SLC9A2: variants seen among roughly 807,000 people sequenced by gnomAD.
SLC9A2 encodes sodium/hydrogen exchanger 2.
SLC9A2 carries 42 observed loss-of-function variants against 71.7 expected under a neutral mutation model. That is an observed-to-expected ratio of 0.59 (90% CI 0.46 to 0.76). SLC9A2 has a LOEUF of 0.76. Among genes scored for constraint, SLC9A2 ranks in the 30% least tolerant of loss-of-function variants. The probability of loss-of-function intolerance (pLI) is 0.00; values close to 1 mark genes in which losing one functional copy is unlikely to be tolerated. For missense variants in SLC9A2, 829 were observed against 1,017.4 expected (o/e 0.81, Z 2.52); for synonymous variants, 396 against 392.5 (o/e 1.01, Z -0.10).
rs10682813 is a variant in SLC9A2 at position 102,642,042 on chromosome 2, T to TATAATAATAATA, written c.290-15508_290-15497dup. Among the ~76,000 whole-genome samples, 7 of 149,758 alleles carry TATAATAATAATA rather than the reference T, an allele frequency of 4.7e-5. 1 individual carries two copies. Among genetic ancestry groups the TATAATAATAATA allele is most frequent in the Middle Eastern group, 3.5e-3 (1 of 286 alleles). Reference sequence around the variant, plus strand: ...TGCACAAGTACCCTAGAACTTAAAATATAATAATAATAATAATAATAATAA... The same window carrying TATAATAATAATA: ...TGCACAAGTACCCTAGAACTTAAAATATAATAATAATAATAATAATAATAATAATAATAATAA... On this transcript the variant is annotated intron_variant, in intron 1 of 11. Transcript: ENST00000233969.
chr2:102,649,780 C>T (rs1676796882), intron 1 of SLC9A2, among the ~76,000 whole-genome samples: 1 of 151,982 alleles, frequency 6.6e-6, no homozygotes, highest in South Asian at 2.1e-4. Flanking sequence ...CCATCTCACA[C>T]CAGTTAGAAT....
At chr2:102,622,299 C>T (rs375847743) in intron 1 of SLC9A2, among the ~76,000 whole-genome samples, 22 of 152,222 alleles carry the variant, frequency 1.4e-4, no homozygotes, top group East Asian at 1.4e-3. Context: ...CACAAAGTGG[C>T]GAGCCAAAAT....
intron 11 of SLC9A2, 100 bp from the exon 12 acceptor site, chr2:102,708,019 C>T (rs1339512752): frequency 2.3e-6 from 3 of 1,297,930 alleles, no homozygotes; most frequent in African/African-American, 2.9e-5. Flanking sequence ...TCCCCAGAGC[C>T]CCAGGACGTA....
chr2:102,627,427 G>A (rs751817250), intron 1 of SLC9A2, among the ~76,000 whole-genome samples: 7 of 152,130 alleles, frequency 4.6e-5, no homozygotes, highest in South Asian at 4.1e-4. Context: ...CAGTGAGTCC[G>A]TGGCTTTAAT....
intron 2 of SLC9A2, among the ~76,000 whole-genome samples, chr2:102,663,668 A>T (rs1251115262): frequency 6.6e-6 from 1 of 152,200 alleles, no homozygotes; most frequent in Non-Finnish European, 1.5e-5. Context: ...AACAAATGGG[A>T]TCAGTTTTGA....
intron 1 of SLC9A2, among the ~76,000 whole-genome samples, chr2:102,644,376 C>A (rs1474636195): frequency 6.6e-6 from 1 of 152,252 alleles, no homozygotes; most frequent in Non-Finnish European, 1.5e-5. Flanking sequence ...GTTTCAAGCA[C>A]AAAACTAGGT....
intron 9 of SLC9A2, among the ~76,000 whole-genome samples, 164 bp from the exon 10 acceptor site, chr2:102,704,380 T>C (rs1189189412): frequency 1.3e-5 from 2 of 152,152 alleles, no homozygotes; most frequent in African/African-American, 4.8e-5. Context: ...CTGAAGACTG[T>C]TAACTTTTAT....
chr2:102,688,078 G>A (rs1016731656), intron 5 of SLC9A2, among the ~76,000 whole-genome samples: 9 of 152,052 alleles, frequency 5.9e-5, no homozygotes, highest in East Asian at 1.9e-4. Context: ...CACCATGCCC[G>A]GCCGTGGAAT....
At chr2:102,674,556 A>G (rs944088399) in intron 3 of SLC9A2, among the ~76,000 whole-genome samples, 10 of 152,186 alleles carry the variant, frequency 6.6e-5, no homozygotes, top group African/African-American at 2.4e-4. Flanking sequence ...AGTGGCCCTG[A>G]TTCTGTCTTT....
chr2:102,671,391 G>A (rs1200817316), intron 3 of SLC9A2, among the ~76,000 whole-genome samples: 1 of 152,144 alleles, frequency 6.6e-6, no homozygotes, highest in Non-Finnish European at 1.5e-5. Flanking sequence ...GTAAAATGAT[G>A]CGAGAAATTA....
chr2:102,629,779 T>C (rs1195852130), intron 1 of SLC9A2, among the ~76,000 whole-genome samples: 1 of 152,154 alleles, frequency 6.6e-6, no homozygotes, highest in East Asian at 1.9e-4. Flanking sequence ...CAGACTACCA[T>C]GGCTGCTCAC....
chr2:102,647,839 G>C (rs1193355142), intron 1 of SLC9A2, among the ~76,000 whole-genome samples: 1 of 145,264 alleles, frequency 6.9e-6, no homozygotes, highest in Admixed American at 6.9e-5. Flanking sequence ...CTGAAATTGA[G>C]GCAGTAATTA....
intron 10 of SLC9A2, among the ~76,000 whole-genome samples, chr2:102,705,478 AC>A (rs1677957500): frequency 1.3e-5 from 2 of 151,960 alleles, no homozygotes; most frequent in Admixed American, 1.3e-4. Flanking sequence ...GAAAAAAAAA[AC>A]ACCTTACATA....
intron 3 of SLC9A2, among the ~76,000 whole-genome samples, chr2:102,671,885 A>T (rs1486234513): frequency 6.6e-6 from 1 of 152,106 alleles, no homozygotes; most frequent in Non-Finnish European, 1.5e-5. Flanking sequence ...GCAGGTGGAT[A>T]ACTTGAGGTC....
At position 102,708,471 on chromosome 2, in the gene SLC9A2, TG is replaced by T; in HGVS notation, c.2424del (p.Ser809ValfsTer25). The T allele has an allele frequency of 6.2e-7, 1 of 1,614,050 alleles. No homozygotes were observed. Among genetic ancestry groups the T allele is most frequent in the Non-Finnish European group, 8.5e-7 (1 of 1,179,972 alleles). Reference protein sequence around the residue: ...SEPGSRKARFGSEKP With the variant: ...SEPGSRKARFXSEKP ...AACCTGGAAGCCGGAAAGCCCGATT[TG>T]GGAGTGAGAAGCCTTAAGAGAAGCA... On this transcript the variant is annotated frameshift_variant, in exon 12 of 12. Transcript: ENST00000233969. LOFTEE classifies it high-confidence loss of function.
rs59553931 is a variant in SLC9A2, at chr2:102,631,995, GATATATATATAT to G, written c.289+11890_289+11901del. On this transcript the variant is annotated intron_variant, in intron 1 of 11. Coordinates refer to ENST00000233969, the MANE Select transcript of SLC9A2 (RefSeq NM_003048.6). Reference sequence around the variant, plus strand: ...CTTCCATTTAATTAATGAAAGTGGGGATATATATATATATATATATATATATATATATATATA... The same window carrying G: ...CTTCCATTTAATTAATGAAAGTGGGGATATATATATATATATATATATATA... Among the ~76,000 whole-genome samples, 94 of 43,250 alleles carry G rather than the reference GATATATATATAT, an allele frequency of 2.2e-3. 4 individuals carry two copies. Among genetic ancestry groups the G allele is most frequent in the East Asian group, 0.012 (18 of 1,536 alleles). 28.4% of individuals were successfully genotyped at this position (43,250 alleles called of 152,430 possible). A position where few individuals can be genotyped will look rare whatever the true frequency, so the allele number is the denominator to read the frequency against.
At chr2:102,660,638 C>T (rs934054200) in intron 2 of SLC9A2, among the ~76,000 whole-genome samples, 9 of 152,154 alleles carry the variant, frequency 5.9e-5, no homozygotes, top group African/African-American at 2.2e-4. Flanking sequence ...TTCATTCATT[C>T]AGGCTTATCT....
In SLC9A2 at chr2:102,709,744, G is replaced by C. The variant is rs1246531303; in HGVS notation, c.*1255G>C. On this transcript the variant is annotated 3_prime_UTR_variant, in exon 12 of 12. Coordinates refer to ENST00000233969, the MANE Select transcript of SLC9A2 (RefSeq NM_003048.6). Reference sequence around the variant, plus strand: ...CAGAAAGAAAAGAAGTGGAACATAAGCATTCAAGATTAATATTTGATTCTC... The same window carrying C: ...CAGAAAGAAAAGAAGTGGAACATAACCATTCAAGATTAATATTTGATTCTC... 1 of 152,364 alleles carries C rather than the reference G, an allele frequency of 6.6e-6. No homozygotes were observed. Among genetic ancestry groups the C allele is most frequent in the African/African-American group, 2.4e-5 (1 of 41,350 alleles). 9.4% of individuals were successfully genotyped at this position (152,364 alleles called of 1,614,324 possible). A position where few individuals can be genotyped will look rare whatever the true frequency, so the allele number is the denominator to read the frequency against.
At chr2:102,649,571 A>G (rs1232655819) in intron 1 of SLC9A2, among the ~76,000 whole-genome samples, 1 of 152,200 alleles carries the variant, frequency 6.6e-6, no homozygotes, top group African/African-American at 2.4e-5. Flanking sequence ...CAGTCTCTCC[A>G]TCTGACAAAG....
Sources: allele counts gnomAD v4.1 joint callset (sites outside exome capture counted in the v4.1 genomes callset), GRCh38; gene constraint gnomAD v4.1.1; transcripts MANE v1.5; gene names NCBI Gene and HGNC (gene_info 2026-07-23, HGNC 2026-07-21).